Variants in RAB27B observed in about 807,000 individuals in gnomAD.
RAB27B encodes ras-related protein Rab-27B.
In RAB27B, 15 loss-of-function variants were observed where a neutral mutation model predicts 24.6. That is an observed-to-expected ratio of 0.61 (90% CI 0.41 to 0.94). The LOEUF is 0.94. Ranked by LOEUF, RAB27B falls within the 40% of genes least tolerant of loss-of-function variation. The pLI is 0.00. For missense variants in RAB27B, 261 were observed against 266.8 expected (o/e 0.98, Z 0.15); for synonymous variants, 105 against 92.5 (o/e 1.14, Z -0.78).
At chr18:54,879,899 T>C (rs1027710787) in intron 3 of RAB27B, 4 of 155,532 alleles carry the variant, frequency 2.6e-5, no homozygotes, top group African/African-American at 9.6e-5. Context: ...CAGACTTTGA[T>C]CTTAAAACAA....
At chr18:54,836,993 A>AT (rs1910920163) in intron 1 of RAB27B, among the ~76,000 whole-genome samples, 2 of 149,532 alleles carry the variant, frequency 1.3e-5, no homozygotes, top group African/African-American at 4.9e-5. Flanking sequence ...TGTCTATCTG[A>AT]TTTTTTGCTT....
At chr18:54,815,623 A>G (rs1390922389) in intron 2 of RAB27B, among the ~76,000 whole-genome samples, 1 of 152,224 alleles carries the variant, frequency 6.6e-6, no homozygotes, top group African/African-American at 2.4e-5. Flanking sequence ...TCACTCCCTT[A>G]TAGAAACTCT....
chr18:54,728,431 G>A (rs1253786193), intron 2 of RAB27B, among the ~76,000 whole-genome samples: 1 of 152,190 alleles, frequency 6.6e-6, no homozygotes, highest in Non-Finnish European at 1.5e-5. Flanking sequence ...GTAACTGTCA[G>A]TCCAGAATCC....
chr18:54,879,730 G>T (rs942571462), intron 3 of RAB27B: 1 of 300,514 alleles, frequency 3.3e-6, no homozygotes. Context: ...GGAAAAAAAG[G>T]TTCTCCAGAA....
chr18:54,812,518 T>G lies in RAB27B; in HGVS notation c.-19-65049T>G, dbSNP rs908567025. Among the ~76,000 whole-genome samples, 80 of 148,132 alleles carry G rather than the reference T, an allele frequency of 5.4e-4. 1 individual carries two copies. The highest frequency in any genetic ancestry group is 9.4e-4 in the Non-Finnish European group (63 of 67,338). ...GCAGAGACAGTAGCAGAGGCAGAAT[T>G]TCCCAAAGAAGTCTGACCATGGAAC... is the stretch of plus-strand genomic sequence containing the variant. On this transcript the variant is annotated intron_variant, in intron 2 of 4. Coordinates refer to the RAB27B transcript ENST00000586570.
intron 1 of RAB27B, among the ~76,000 whole-genome samples, chr18:54,858,541 G>A (rs1232778938): frequency 4.0e-5 from 6 of 151,866 alleles, no homozygotes; most frequent in Non-Finnish European, 7.4e-5. Context: ...CTGCCAGTAC[G>A]CCCGGCTAAT....
upstream of RAB27B, chr18:54,828,319 T>A (rs1269719620): frequency 6.6e-6 from 1 of 150,648 alleles, no homozygotes; most frequent in Non-Finnish European, 1.5e-5. Context: ...CCGAGAGGAG[T>A]GTGTTTCTCA....
intron 2 of RAB27B, among the ~76,000 whole-genome samples, chr18:54,773,427 C>T (rs1162650542): frequency 6.6e-6 from 1 of 152,160 alleles, no homozygotes; most frequent in African/African-American, 2.4e-5. Flanking sequence ...CACAAAGCTT[C>T]TGCAAAGGAA....
At chr18:54,865,178 G>A (rs758664184) in intron 1 of RAB27B, among the ~76,000 whole-genome samples, 20 of 151,520 alleles carry the variant, frequency 1.3e-4, no homozygotes, top group Non-Finnish European at 2.9e-4. Flanking sequence ...ACTATCATTT[G>A]AGTTGCCTCA....
intron 1 of RAB27B, 30 bp from the exon 2 acceptor site, chr18:54,877,537 A>G: frequency 1.5e-6 from 2 of 1,335,186 alleles, no homozygotes; most frequent in Non-Finnish European, 9.8e-7. Context: ...ACTTTAATCA[A>G]AACATACTTG....
chr18:54,852,993 T>C (rs557349784), intron 1 of RAB27B, among the ~76,000 whole-genome samples: 2 of 152,240 alleles, frequency 1.3e-5, no homozygotes, highest in South Asian at 4.1e-4. Context: ...CATTTCCTGA[T>C]AATATTATCT....
At chr18:54,771,034 T>A (rs1424824090) in intron 2 of RAB27B, among the ~76,000 whole-genome samples, 1 of 152,126 alleles carries the variant, frequency 6.6e-6, no homozygotes, top group African/African-American at 2.4e-5. Flanking sequence ...AGATGTGTAT[T>A]TTGAAGGCTC....
At chr18:54,815,655 T>A (rs2145156550) in intron 2 of RAB27B, among the ~76,000 whole-genome samples, 1 of 152,346 alleles carries the variant, frequency 6.6e-6, no homozygotes, top group Middle Eastern at 3.4e-3. Context: ...TTGATAATTC[T>A]TTAATAATTT....
At chr18:54,719,531 A>T (rs1909293694) in intron 2 of RAB27B, among the ~76,000 whole-genome samples, 2 of 152,114 alleles carry the variant, frequency 1.3e-5, no homozygotes, top group Admixed American at 1.3e-4. Flanking sequence ...TATCGAAAAC[A>T]TGTTTATATT....
chr18:54,823,280 A>G (rs920831701), intron 2 of RAB27B, among the ~76,000 whole-genome samples: 12 of 152,190 alleles, frequency 7.9e-5, no homozygotes, highest in African/African-American at 2.7e-4. Context: ...GTGGATTTTT[A>G]TTTGTGATTA....
chr18:54,844,408 C>CTTTTTTTTTTTTTTTTTTTTTTTTTT (rs148747981), intron 1 of RAB27B, among the ~76,000 whole-genome samples: 5 of 107,878 alleles, frequency 4.6e-5, no homozygotes, highest in South Asian at 3.2e-4. Context: ...CTTTTCTTTT[C>CTTTTTTTTTTTTTTTTTTTTTTTTTT]TTTTTTTTTT....
rs552681068 is a variant in RAB27B, at chr18:54,736,834, G to A, written c.-20+18693G>A. ...AAGCGTTTGAGTTTTTCATTGGATAGGACACTGCTGGAGTGTCGTATGTAA... is the reference window on the plus strand; with the variant it reads ...AAGCGTTTGAGTTTTTCATTGGATAAGACACTGCTGGAGTGTCGTATGTAA... On this transcript the variant is annotated intron_variant, in intron 2 of 4. Coordinates refer to the RAB27B transcript ENST00000586570. Among the ~76,000 whole-genome samples the A allele has an allele frequency of 2.0e-5, 3 of 152,238 alleles. No individual in the cohort carries two copies. The East Asian group carries it at 5.8e-4, about 29-fold the overall frequency.
chr18:54,740,967 C>T (rs528895912), intron 2 of RAB27B, among the ~76,000 whole-genome samples: 1 of 152,216 alleles, frequency 6.6e-6, no homozygotes, highest in South Asian at 2.1e-4. Flanking sequence ...TCTTTATTTT[C>T]AATAAACTCT....
intron 2 of RAB27B, among the ~76,000 whole-genome samples, chr18:54,820,629 C>A (rs1340035148): frequency 2.6e-5 from 4 of 152,054 alleles, no homozygotes; most frequent in Non-Finnish European, 5.9e-5. Context: ...AATTAGATCC[C>A]ATTTGTCAAT....
Sources: gnomAD v4.1 joint callset for allele counts (sites outside exome capture counted in the v4.1 genomes callset) on GRCh38, gnomAD v4.1.1 for gene constraint, MANE v1.5 for transcripts, NCBI Gene and HGNC (gene_info 2026-07-23, HGNC 2026-07-21) for gene names.